The following UBN1 variants were observed in gnomAD, a reference collection of about 807,000 sequenced individuals.
The protein encoded by UBN1 is ubinuclein 1.
Under a neutral mutation model 108.5 loss-of-function variants are expected in UBN1, and 17 were observed. The ratio of observed to expected loss-of-function variants is 0.16; its 90% CI spans 0.11 to 0.24. UBN1 has a LOEUF of 0.24. UBN1 is among the 10% of genes least tolerant of loss of function. UBN1 has a pLI of 1.00. For missense variants in UBN1, 1,595 were observed against 1,394.4 expected (o/e 1.14, Z -2.29); for synonymous variants, 726 against 564.2 (o/e 1.29, Z -4.07).
At chr16:4,870,810 C>T in intron 10 of UBN1, 34 bp from the exon 11 acceptor site, 3 of 1,612,304 alleles carry the variant, frequency 1.9e-6, no homozygotes, top group Non-Finnish European at 2.5e-6. Flanking sequence ...GCAGGAGCAC[C>T]TTGGGGCCCC....
chr16:4,874,447 A>T lies in UBN1; in HGVS notation c.2037A>T (p.Glu679Asp). The T allele has an allele frequency of 1.2e-6, 2 of 1,614,140 alleles. No homozygotes were observed. The highest frequency in any genetic ancestry group is 1.7e-6 in the Non-Finnish European group (2 of 1,180,014). Residue 679 changes from glutamate (E) to aspartate (D), a missense_variant, in exon 15 of 18, where the codon GAA (glutamate) becomes GAT (aspartate). By Grantham distance (45) the Glu-to-Asp change is conservative (BLOSUM62 2). Transcript: ENST00000262376. ...PASSVEAVSKELAALNSRAAG... is the reference protein window; with the variant it reads ...PASSVEAVSKDLAALNSRAAG... Reference sequence around the variant, plus strand: ...CCTCGGTGGAAGCCGTGTCCAAGGAATTGGCTGCATTGAATAGCAGAGCAG... The same window carrying T: ...CCTCGGTGGAAGCCGTGTCCAAGGATTTGGCTGCATTGAATAGCAGAGCAG...
At chr16:4,865,767 C>A (rs12445777) in intron 7 of UBN1, among the ~76,000 whole-genome samples, 14,804 of 152,040 alleles carry the variant, frequency 0.097, 940 homozygotes, top group Admixed American at 0.18. Context: ...TTGAGACCAG[C>A]CTGGCCAACA....
intron 6 of UBN1, 76 bp from the exon 7 acceptor site, chr16:4,860,588 G>A: frequency 1.4e-6 from 2 of 1,415,744 alleles, no homozygotes; most frequent in African/African-American, 1.4e-5. Context: ...GACCCTGGGA[G>A]CAGGGGTGAA....
At chr16:4,861,164 C>A in intron 7 of UBN1, 62 bp downstream of exon 7, 2 of 1,517,650 alleles carry the variant, frequency 1.3e-6, no homozygotes, top group East Asian at 4.7e-5. Flanking sequence ...GCTGTTGGTT[C>A]TGCACTGCGT....
In UBN1 at chr16:4,868,821, G is replaced by C. The variant is rs370621728; in HGVS notation, c.1111-12G>C. On this transcript the variant is annotated splice_polypyrimidine_tract_variant and intron_variant, in intron 7 of 17. Transcript: ENST00000262376. The stretch of plus-strand genomic sequence containing the variant: ...AGTGCACTAACGGCTGTTACTGTCT[G>C]CTGTGCACCAGGCTGCCAGAGCTGC... 2 of 1,613,420 alleles carry C rather than the reference G, an allele frequency of 1.2e-6. No individual in the cohort carries two copies. The highest frequency in any genetic ancestry group is 2.7e-5 in the African/African-American group (2 of 74,898).
At chr16:4,878,497 G>A (rs1183951588) in intron 17 of UBN1, among the ~76,000 whole-genome samples, 4 of 152,166 alleles carry the variant, frequency 2.6e-5, no homozygotes, top group Admixed American at 6.5e-5. Context: ...GCCATATGGG[G>A]CAAGACTAAA....
chr16:4,859,977 C>G lies in UBN1; in HGVS notation c.671+9C>G. Reference sequence around the variant, plus strand: ...AAGTTTTCCAAAGCCGGGTGAGAGGCAGCAGCTTCTTTGCTAGGATAAAGC... The same window carrying G: ...AAGTTTTCCAAAGCCGGGTGAGAGGGAGCAGCTTCTTTGCTAGGATAAAGC... On this transcript the variant is annotated intron_variant, in intron 6 of 17. Transcript: ENST00000262376. The G allele has an allele frequency of 6.2e-7, 1 of 1,614,010 alleles. No individual in the cohort carries two copies. Among genetic ancestry groups the G allele is most frequent in the Non-Finnish European group, 8.5e-7 (1 of 1,179,930 alleles).
rs2087803800 is a variant in UBN1, at chr16:4,874,831, T to C, written c.2421T>C (p.Phe807=). 1.2e-6 allele frequency: 2 copies of C among 1,613,960 alleles called. No homozygotes were observed. The highest frequency in any genetic ancestry group is 1.3e-5 in the African/African-American group (1 of 74,930). The change falls in exon 15 of 18, where the codon TTT becomes TTC. Residue 807 remains phenylalanine (F), a synonymous_variant. Transcript: ENST00000262376. ...VPVPGPQVKV[F]HAGTQQQKNF... ...TGCCTGGCCCCCAGGTCAAAGTCTT[T>C]CATGCCGGCACTCAGCAGCAGAAAA...
chr16:4,879,482 C>T (rs1444994784), intron 17 of UBN1, among the ~76,000 whole-genome samples: 2 of 150,960 alleles, frequency 1.3e-5, no homozygotes, highest in East Asian at 1.9e-4. Flanking sequence ...TTTAAAAGTT[C>T]GAGGAAAAAG....
chr16:4,854,016 T>C (rs11859607), intron 2 of UBN1, among the ~76,000 whole-genome samples: 7,193 of 152,054 alleles, frequency 0.047, 312 homozygotes, highest in African/African-American at 0.11. Flanking sequence ...TCTAACAGCT[T>C]AGATCTGCTT....
At chr16:4,867,616 G>A (rs753053762) in intron 7 of UBN1, among the ~76,000 whole-genome samples, 2 of 152,168 alleles carry the variant, frequency 1.3e-5, no homozygotes, top group African/African-American at 2.4e-5. Flanking sequence ...TTATTTTGAA[G>A]CCCTGAGGGG....
chr16:4,878,671 G>C (rs1372134253), intron 17 of UBN1, among the ~76,000 whole-genome samples: 1 of 152,142 alleles, frequency 6.6e-6, no homozygotes, highest in Non-Finnish European at 1.5e-5. Flanking sequence ...CCAAAGTCAG[G>C]CTGCCCTGCC....
chr16:4,875,954 CT>C (rs1191337736), intron 15 of UBN1, among the ~76,000 whole-genome samples: 2 of 132,940 alleles, frequency 1.5e-5, no homozygotes, highest in Non-Finnish European at 3.3e-5. Flanking sequence ...ATTTTCTTTT[CT>C]TTTTTTCTTT....
At chr16:4,857,346 TATCTC>T (rs1453514993) in intron 2 of UBN1, among the ~76,000 whole-genome samples, 3 of 141,126 alleles carry the variant, frequency 2.1e-5, no homozygotes, top group Non-Finnish European at 4.6e-5. Context: ...GTGAGACTCT[TATCTC>T]AAAAAAAAAA....
intron 1 of UBN1, among the ~76,000 whole-genome samples, chr16:4,851,821 CA>C (rs1016511966): frequency 2.3e-4 from 33 of 142,470 alleles, no homozygotes; most frequent in African/African-American, 3.9e-4. Context: ...GACCCTAGCT[CA>C]AAAAAAAAAG....
intron 12 of UBN1, chr16:4,872,232 A>G (rs950762716): frequency 1.0e-6 from 1 of 985,294 alleles, no homozygotes; most frequent in African/African-American, 1.7e-5. Flanking sequence ...TCTCTGGACA[A>G]AGACATGCTG....
intron 12 of UBN1, 104 bp downstream of exon 12, chr16:4,871,405 T>G: frequency 6.7e-7 from 1 of 1,489,044 alleles, no homozygotes; most frequent in Non-Finnish European, 9.0e-7. Flanking sequence ...AGTCACTGTC[T>G]AGCTGCCTCA....
At chr16:4,858,226 G>C (rs538806534) in intron 3 of UBN1, 150 bp downstream of exon 3, 3 of 687,022 alleles carry the variant, frequency 4.4e-6, no homozygotes, top group Non-Finnish European at 5.0e-6. Context: ...TAAACCTAAC[G>C]CATTAAGGTA....
At position 4,859,006 on chromosome 16, in the gene UBN1, GT is replaced by G. The variant is rs767145232; in HGVS notation, c.433-16del. The G allele has an allele frequency of 6.2e-6, 10 of 1,610,404 alleles. No individual in the cohort carries two copies. The highest frequency in any genetic ancestry group is 8.5e-6 in the Non-Finnish European group (10 of 1,178,964). The stretch of plus-strand genomic sequence containing the variant: ...GCAGAAGCAGAACTTGGAGCTGACA[GT>G]TTGTTTCCCATCTTCAGTATGATGA... On this transcript the variant is annotated intron_variant, in intron 4 of 17. Coordinates refer to ENST00000262376, the MANE Select transcript of UBN1 (RefSeq NM_001079514.3).
Sources: allele counts gnomAD v4.1 joint callset (sites outside exome capture counted in the v4.1 genomes callset), GRCh38; gene constraint gnomAD v4.1.1; transcripts MANE v1.5; gene names NCBI Gene and HGNC (gene_info 2026-07-23, HGNC 2026-07-21).